Variants in MSH3 observed in about 807,000 individuals in gnomAD.
MSH3 encodes the protein mutS homolog 3, also known as DNA mismatch repair protein Msh3.
In MSH3, 106 loss-of-function variants were observed where a neutral mutation model predicts 123.3. The ratio of observed to expected loss-of-function variants is 0.86; its 90% CI spans 0.73 to 1.01. MSH3 has a LOEUF of 1.01. Ranked by LOEUF, MSH3 falls within the 50% of genes least tolerant of loss-of-function variation. The pLI is 0.00. For synonymous variants in MSH3, 515 were observed against 481.4 expected, an observed-to-expected ratio of 1.07 and a Z score of -0.91; for missense variants, 1,459 against 1,347.6, an observed-to-expected ratio of 1.08 and a Z score of -1.29.
intron 13 of MSH3, among the ~76,000 whole-genome samples, chr5:80,763,956 G>A (rs928900853): frequency 2.0e-5 from 3 of 152,226 alleles, no homozygotes; most frequent in African/African-American, 7.2e-5. Flanking sequence ...CCTTGTTGCT[G>A]TTTTAGTGTT....
chr5:80,674,171 T>C (rs1253122611), intron 6 of MSH3, among the ~76,000 whole-genome samples: 1 of 152,184 alleles, frequency 6.6e-6, no homozygotes, highest in Non-Finnish European at 1.5e-5. Context: ...TTGAAGCCCA[T>C]TTCTAGTACA....
intron 20 of MSH3, among the ~76,000 whole-genome samples, chr5:80,826,800 C>G (rs760188492): frequency 6.6e-6 from 1 of 151,444 alleles, no homozygotes; most frequent in Admixed American, 6.6e-5. Context: ...CCACCTGCCT[C>G]GGCCTCCAGA....
At chr5:80,747,221 G>C (rs549977689) in intron 12 of MSH3, among the ~76,000 whole-genome samples, 43 of 152,316 alleles carry the variant, frequency 2.8e-4, no homozygotes, top group African/African-American at 1.0e-3. Context: ...AGCAGAAACA[G>C]ACTCACTAGC....
chr5:80,676,432 C>A (rs1039761032), intron 7 of MSH3, among the ~76,000 whole-genome samples: 11 of 152,344 alleles, frequency 7.2e-5, no homozygotes, highest in Middle Eastern at 3.4e-3. Context: ...TAAGGCCCTT[C>A]AGAACAATCA....
At chr5:80,723,533 A>G (rs1401243439) in intron 8 of MSH3, among the ~76,000 whole-genome samples, 1 of 152,204 alleles carries the variant, frequency 6.6e-6, no homozygotes, top group Non-Finnish European at 1.5e-5. Context: ...TTTATTAGAA[A>G]ATATAAGAAA....
At chr5:80,713,196 G>A (rs1750891760) in intron 8 of MSH3, among the ~76,000 whole-genome samples, 1 of 152,142 alleles carries the variant, frequency 6.6e-6, no homozygotes, top group Admixed American at 6.5e-5. Context: ...TCTGTTGGTG[G>A]TCTGTTATTT....
chr5:80,665,413 TG>T, intron 3 of MSH3, 50 bp downstream of exon 3: 1 of 1,400,028 alleles, frequency 7.1e-7, no homozygotes, highest in Non-Finnish European at 1.0e-6. Context: ...TAGTGGGTTC[TG>T]AAGTACTGTC....
intron 22 of MSH3, among the ~76,000 whole-genome samples, chr5:80,866,451 T>C (rs1161516586): frequency 2.0e-5 from 3 of 152,228 alleles, no homozygotes. Context: ...TTTTAATTTT[T>C]ATCAATGAAC....
chr5:80,832,638 A>T (rs1043991186), intron 20 of MSH3, among the ~76,000 whole-genome samples: 2 of 152,008 alleles, frequency 1.3e-5, no homozygotes, highest in Non-Finnish European at 2.9e-5. Context: ...AAAATTCTGT[A>T]AATGGAAAGT....
intron 8 of MSH3, among the ~76,000 whole-genome samples, chr5:80,690,823 T>C (rs981875716): frequency 3.9e-5 from 6 of 152,116 alleles, no homozygotes; most frequent in African/African-American, 1.4e-4. Context: ...GTGACTAACA[T>C]TTTAAAAAAA....
chr5:80,792,426 GAAAGA>G (rs1744624134), intron 18 of MSH3, among the ~76,000 whole-genome samples: 1 of 149,240 alleles, frequency 6.7e-6, no homozygotes, highest in South Asian at 2.1e-4. Flanking sequence ...AAAAAAAAAA[GAAAGA>G]AAAGAAAAAA....
intron 10 of MSH3, among the ~76,000 whole-genome samples, chr5:80,739,818 A>G (rs1743579628): frequency 6.6e-6 from 1 of 152,204 alleles, no homozygotes; most frequent in Non-Finnish European, 1.5e-5. Context: ...CCTTAGTCAA[A>G]GGAGTCATCT....
In MSH3 at chr5:80,833,482, C is replaced by T. The variant is rs571699928; in HGVS notation, c.2813+19741C>T. On this transcript the variant is annotated intron_variant, in intron 20 of 23. Transcript: ENST00000265081. The stretch of plus-strand genomic sequence containing the variant: ...GTTTTGAGATGGAGTCTCGCTCTGT[C>T]GCCAGGCTGGAGTGCAGTGGCACCA... Among the ~76,000 whole-genome samples the T allele has an allele frequency of 5.9e-5, 9 of 152,164 alleles. No individual in the cohort carries two copies. In the East Asian group the frequency reaches 7.7e-4, roughly 13 times the overall value.
rs748517586 is a variant in MSH3, at chr5:80,741,692, T to C, written c.1653+144T>C. The C allele has an allele frequency of 2.7e-3, 1,860 of 696,982 alleles. 8 individuals are homozygous for C. The highest frequency in any genetic ancestry group is 3.9e-3 in the Non-Finnish European group (1,506 of 382,608). 43.2% of individuals were successfully genotyped at this position (696,982 alleles called of 1,614,324 possible). The stretch of plus-strand genomic sequence containing the variant: ...ATTAATTGATAACTGTAGCTCTTTT[T>C]GGAGAATGAACTGTACATAATATTT... On this transcript the variant is annotated intron_variant, in intron 11 of 23. Coordinates refer to ENST00000265081, the MANE Select transcript of MSH3 (RefSeq NM_002439.5).
chr5:80,732,671 G>A (rs189052656), intron 10 of MSH3, among the ~76,000 whole-genome samples: 8 of 152,200 alleles, frequency 5.3e-5, no homozygotes, highest in Admixed American at 5.2e-4. Context: ...ATGGAATCAG[G>A]AATATAAAAA....
chr5:80,853,973 C>T (rs977404699), intron 20 of MSH3, among the ~76,000 whole-genome samples, 157 bp from the exon 21 acceptor site: 2 of 152,158 alleles, frequency 1.3e-5, no homozygotes, highest in African/African-American at 4.8e-5. Flanking sequence ...TCTTTACATC[C>T]AACATGTTTT....
At chr5:80,833,534 C>T (rs1745456753) in intron 20 of MSH3, among the ~76,000 whole-genome samples, 1 of 152,218 alleles carries the variant, frequency 6.6e-6, no homozygotes, top group Non-Finnish European at 1.5e-5. Flanking sequence ...CCTCCACCTC[C>T]CGGGTTCAAG....
At chr5:80,813,215 G>A (rs1376397551) in intron 19 of MSH3, among the ~76,000 whole-genome samples, 1 of 152,078 alleles carries the variant, frequency 6.6e-6, no homozygotes, top group Non-Finnish European at 1.5e-5. Context: ...ATAGGGCCAT[G>A]GGCAAATAGA....
intron 20 of MSH3, among the ~76,000 whole-genome samples, chr5:80,817,673 A>G (rs936665765): frequency 6.6e-6 from 1 of 152,156 alleles, no homozygotes; most frequent in African/African-American, 2.4e-5. Context: ...CTGAAAAATA[A>G]AGATCCAAGC....
Sources: allele counts gnomAD v4.1 joint callset (sites outside exome capture counted in the v4.1 genomes callset), GRCh38; gene constraint gnomAD v4.1.1; transcripts MANE v1.5; gene names NCBI Gene and HGNC (gene_info 2026-07-23, HGNC 2026-07-21).